Variants in CCDC146 observed in about 807,000 individuals in gnomAD.
The protein encoded by CCDC146 is coiled-coil domain-containing protein 146.
Under a neutral mutation model 119.3 loss-of-function variants are expected in CCDC146, and 92 were observed. The observed-to-expected ratio is 0.77, with a 90% CI of 0.65 to 0.92. The LOEUF (loss-of-function observed/expected upper bound fraction) is 0.92, where lower values mean the gene tolerates loss of function less well. Ranked by LOEUF, CCDC146 falls within the 40% of genes least tolerant of loss-of-function variation. The pLI is 0.00. For missense variants in CCDC146, 1,000 were observed against 1,103.0 expected (o/e 0.91, Z 1.32); for synonymous variants, 372 against 371.8 (o/e 1.00, Z -0.01).
intron 15 of CCDC146, among the ~76,000 whole-genome samples, chr7:77,286,311 T>C (rs532140500): frequency 6.6e-6 from 1 of 152,304 alleles, no homozygotes; most frequent in Admixed American, 6.5e-5. Flanking sequence ...AACTCACTCA[T>C]TATTGCAAGG....
intron 1 of CCDC146, among the ~76,000 whole-genome samples, chr7:77,167,188 C>A (rs1017005932): frequency 1.3e-5 from 2 of 151,962 alleles, no homozygotes. Flanking sequence ...ATAAGGTAGA[C>A]AATATGAAAA....
chr7:77,228,901 G>T (rs1287913383), intron 2 of CCDC146, among the ~76,000 whole-genome samples: 3 of 152,226 alleles, frequency 2.0e-5, no homozygotes, highest in African/African-American at 7.2e-5. Context: ...ATAGGTAAAT[G>T]TGTGCCATGG....
At position 77,196,528 on chromosome 7, in the gene CCDC146, G is replaced by A. The variant is rs915669291; in HGVS notation, c.156+28704G>A. 1 of 1,613,994 alleles carries A rather than the reference G, an allele frequency of 6.2e-7. No homozygotes were observed. Among genetic ancestry groups the A allele is most frequent in the Admixed American group, 1.7e-5 (1 of 60,018 alleles). ...ATCGATCATTGTCTTTATCTGGAGT[G>A]GTGAAAAACTTCAGATCGTGGTTGT... On this transcript the variant is annotated intron_variant, in intron 2 of 18. Transcript: ENST00000285871. The surrounding 1 kb of genome is among the most constrained non-coding windows in gnomAD (Gnocchi z 4.2).
At chr7:77,197,123 G>A (rs568474070) in intron 2 of CCDC146, 6 of 617,740 alleles carry the variant, frequency 9.7e-6, no homozygotes, top group Non-Finnish European at 1.7e-5. Context: ...ACTTGAACCT[G>A]TTTAGCAAAT....
At chr7:77,200,133 G>GT (rs1791960837) in intron 2 of CCDC146, among the ~76,000 whole-genome samples, 12 of 152,110 alleles carry the variant, frequency 7.9e-5, no homozygotes, top group Admixed American at 7.9e-4. Context: ...ATAATTATAC[G>GT]TAACTTCACT....
chr7:77,223,798 G>A (rs181750637), intron 2 of CCDC146, among the ~76,000 whole-genome samples: 3,632 of 152,302 alleles, frequency 0.024, 124 homozygotes, highest in East Asian at 0.14. Context: ...AAGATGAATA[G>A]AGCAGGGTTC....
At chr7:77,251,762 G>A (rs1213966379) in intron 4 of CCDC146, among the ~76,000 whole-genome samples, 7 of 152,130 alleles carry the variant, frequency 4.6e-5, no homozygotes, top group Non-Finnish European at 5.9e-5. Flanking sequence ...TTGCTCGCTC[G>A]CTCTTGTGCT....
intron 1 of CCDC146, among the ~76,000 whole-genome samples, chr7:77,133,349 G>T (rs1003420863): frequency 1.9e-4 from 29 of 151,228 alleles, no homozygotes; most frequent in African/African-American, 6.6e-4. Flanking sequence ...AACAACTTTT[G>T]TTGTTGTTGT....
chr7:77,185,255 G>A (rs1791648905), intron 2 of CCDC146, among the ~76,000 whole-genome samples: 1 of 152,034 alleles, frequency 6.6e-6, no homozygotes, highest in African/African-American at 2.4e-5. Flanking sequence ...GCAGAAACAA[G>A]AATCTCTGAA....
intron 2 of CCDC146, among the ~76,000 whole-genome samples, chr7:77,215,627 C>T: frequency 6.6e-6 from 1 of 152,076 alleles, no homozygotes; most frequent in Non-Finnish European, 1.5e-5. Context: ...TCAATAATTA[C>T]ACAGGGAATT....
At chr7:77,125,769 A>G (rs1157543082) in intron 1 of CCDC146, among the ~76,000 whole-genome samples, 1 of 152,146 alleles carries the variant, frequency 6.6e-6, no homozygotes, top group Non-Finnish European at 1.5e-5. Flanking sequence ...TGAATTATAA[A>G]CTATTTAAAA....
At chr7:77,140,515 G>C (rs1172298750) in intron 1 of CCDC146, among the ~76,000 whole-genome samples, 1 of 152,094 alleles carries the variant, frequency 6.6e-6, no homozygotes, top group Non-Finnish European at 1.5e-5. Flanking sequence ...TTCCTCACAT[G>C]GTGGAGTTAG....
In CCDC146 at chr7:77,224,120, A is replaced by T. The variant is rs1792458344; in HGVS notation, c.157-12827A>T. 2.0e-5 allele frequency among the ~76,000 whole-genome samples: 3 copies of T among 152,236 alleles called. No individual in the cohort carries two copies. The South Asian group carries it at 6.2e-4, about 32-fold the overall frequency. On this transcript the variant is annotated intron_variant, in intron 2 of 18. Coordinates refer to ENST00000285871, the MANE Select transcript of CCDC146 (RefSeq NM_020879.3). ...GTATTAGTTTTCTGTTGCTGCCATAACAAATTACCACAAACTTAGTGGCTT... is the reference window on the plus strand; with the variant it reads ...GTATTAGTTTTCTGTTGCTGCCATATCAAATTACCACAAACTTAGTGGCTT...
At chr7:77,248,916 A>T (rs1793005490) in intron 4 of CCDC146, among the ~76,000 whole-genome samples, 1 of 152,156 alleles carries the variant, frequency 6.6e-6, no homozygotes, top group Admixed American at 6.5e-5. Context: ...GTACTTTCTA[A>T]TGTTTTTATT....
At chr7:77,188,893 C>T (rs538068783) in intron 2 of CCDC146, among the ~76,000 whole-genome samples, 1 of 152,322 alleles carries the variant, frequency 6.6e-6, no homozygotes, top group Non-Finnish European at 1.5e-5. Context: ...GACATCATTA[C>T]AGGGTGGATG....
intron 14 of CCDC146, 65 bp from the exon 15 acceptor site, chr7:77,282,492 C>A: frequency 2.7e-6 from 3 of 1,094,226 alleles, no homozygotes; most frequent in East Asian, 2.6e-5. Flanking sequence ...CAGAGGGAAC[C>A]ACAATGACTA....
chr7:77,264,102 A>T (rs1245895642), intron 9 of CCDC146, among the ~76,000 whole-genome samples: 1 of 152,074 alleles, frequency 6.6e-6, no homozygotes, highest in Non-Finnish European at 1.5e-5. Flanking sequence ...TTTTATTGCA[A>T]TTCCAACAGG....
chr7:77,274,613 T>C lies in CCDC146; in HGVS notation c.1401T>C (p.Asp467=). 6 of 1,611,564 alleles carry C rather than the reference T, an allele frequency of 3.7e-6. No individual in the cohort carries two copies. Among genetic ancestry groups the C allele is most frequent in the Non-Finnish European group, 5.1e-6 (6 of 1,179,324 alleles). The change falls in exon 11 of 19, where the codon GAT becomes GAC. Residue 467 remains aspartate (D), a synonymous_variant. Transcript: ENST00000285871. ...NLLRMTQIKI[D]EKEQKSKDFL... is the part of the protein sequence containing the mutation. ...TCCGCATGACTCAAATCAAAATTGA[T>C]GAAAAGGAACAAAAGTCCAAGGATT...
intron 4 of CCDC146, among the ~76,000 whole-genome samples, chr7:77,250,054 C>G (rs535044741): frequency 2.6e-4 from 40 of 152,298 alleles, no homozygotes; most frequent in African/African-American, 9.1e-4. Context: ...TCAAATAACA[C>G]TATACCACTT....
Sources: allele counts gnomAD v4.1 joint callset (sites outside exome capture counted in the v4.1 genomes callset), GRCh38; gene constraint gnomAD v4.1.1; non-coding constraint Gnocchi (gnomAD v3.1); transcripts MANE v1.5; gene names NCBI Gene and HGNC (gene_info 2026-07-23, HGNC 2026-07-21).